Variants in EDN1 observed in about 807,000 individuals in gnomAD.
EDN1 encodes the protein endothelin-1.
In EDN1, 11 loss-of-function variants were observed where a neutral mutation model predicts 21.7. The observed-to-expected ratio is 0.51, with a 90% confidence interval of 0.32 to 0.84. The LOEUF (loss-of-function observed/expected upper bound fraction) is 0.84. EDN1 is among the 40% of genes least tolerant of loss of function. The pLI is 0.03. For missense variants in EDN1, 244 were observed against 262.3 expected (o/e 0.93, Z 0.48); for synonymous variants, 85 against 90.6 (o/e 0.94, Z 0.35).
chr6:12,276,235 A>G, the EDN1 span, among the ~76,000 whole-genome samples: 2 of 149,858 alleles, frequency 1.3e-5, no homozygotes, highest in South Asian at 4.3e-4. Flanking sequence ...AGATGTTGGT[A>G]GTTTCAGGGA....
At chr6:12,278,595 G>T in the EDN1 span, among the ~76,000 whole-genome samples, 4,849 of 152,148 alleles carry the variant, frequency 0.032, 86 homozygotes, top group Middle Eastern at 0.058. Flanking sequence ...AAAATCTCTT[G>T]CAAAAGCCAG....
At chr6:12,243,615 G>A in the EDN1 span, among the ~76,000 whole-genome samples, 1 of 152,092 alleles carries the variant, frequency 6.6e-6, no homozygotes, top group Non-Finnish European at 1.5e-5. Flanking sequence ...ATACATGAAT[G>A]CTGAATTAAT....
intron 2 of EDN1, 72 bp downstream of exon 2, chr6:12,292,581 TTTC>T (rs1281831036): frequency 6.3e-7 from 1 of 1,580,714 alleles, no homozygotes; most frequent in Non-Finnish European, 8.7e-7. Flanking sequence ...AGTTTTAGAG[TTTC>T]TTTTCTAGGG....
At chr6:12,232,972 G>C in the EDN1 span, among the ~76,000 whole-genome samples, 1 of 152,138 alleles carries the variant, frequency 6.6e-6, no homozygotes, top group East Asian at 1.9e-4. Flanking sequence ...TTGGTGAAGG[G>C]ATGTCTACAC....
the EDN1 span, among the ~76,000 whole-genome samples, chr6:12,253,188 T>C: frequency 6.6e-6 from 1 of 151,948 alleles, no homozygotes; most frequent in Non-Finnish European, 1.5e-5. Flanking sequence ...AGAAACAGAC[T>C]CCCAATGAGC....
At chr6:12,287,724 A>C (rs1373277421), upstream of EDN1, among the ~76,000 whole-genome samples, 1 of 144,316 alleles carries the variant, frequency 6.9e-6, no homozygotes, top group African/African-American at 2.6e-5. Flanking sequence ...ACACACACAC[A>C]CACACACACA....
chr6:12,293,158 T>C (rs1762727774), intron 2 of EDN1, among the ~76,000 whole-genome samples: 1 of 152,182 alleles, frequency 6.6e-6, no homozygotes, highest in African/African-American at 2.4e-5. Context: ...CACTAGTTCA[T>C]CATCTGTCGG....
chr6:12,265,816 G>C, the EDN1 span, among the ~76,000 whole-genome samples: 1 of 152,218 alleles, frequency 6.6e-6, no homozygotes, highest in Non-Finnish European at 1.5e-5. Flanking sequence ...TTTAGGGAGA[G>C]AGGAGAAAAT....
At chr6:12,270,564 C>T in the EDN1 span, among the ~76,000 whole-genome samples, 1 of 151,702 alleles carries the variant, frequency 6.6e-6, no homozygotes, top group Non-Finnish European at 1.5e-5. Flanking sequence ...TGTTTAATTT[C>T]TATATATTTG....
At chr6:12,235,266 C>T in the EDN1 span, among the ~76,000 whole-genome samples, 1,523 of 152,294 alleles carry the variant, frequency 0.01, 13 homozygotes, top group Non-Finnish European at 0.016. Context: ...CAGCTTTCTC[C>T]GTTTCCTTAG....
At chr6:12,273,488 C>T in the EDN1 span, among the ~76,000 whole-genome samples, 1 of 150,884 alleles carries the variant, frequency 6.6e-6, no homozygotes, top group Non-Finnish European at 1.5e-5. Flanking sequence ...TACATATATT[C>T]AAGAGCTATA....
At position 12,294,044 on chromosome 6, in the gene EDN1, A is replaced by G. The variant is rs1385040497; in HGVS notation, c.337A>G (p.Ser113Gly). The change falls in exon 3 of 5, where the codon AGC (serine) becomes GGC (glycine). Residue 113 changes from serine (S) to glycine (G), a missense_variant. Ser to Gly is a moderately conservative substitution (Grantham distance 56). Transcript: ENST00000379375. ...TDRENRCQCA[S>G]QKDKKCWNFC... ...CCGTGAAAATAGATGCCAATGTGCT[A>G]GCCAAAAAGACAAGAAGTGCTGGAA... 11 of 1,614,140 alleles carry G rather than the reference A, an allele frequency of 6.8e-6. No homozygotes were observed. Among genetic ancestry groups the G allele is most frequent in the Non-Finnish European group, 8.5e-6 (10 of 1,180,064 alleles).
the EDN1 span, among the ~76,000 whole-genome samples, chr6:12,247,061 A>T: frequency 8.7e-4 from 132 of 152,332 alleles, 1 homozygote; most frequent in African/African-American, 3.0e-3. Flanking sequence ...CACTACACAC[A>T]TGTTTTTATG....
At chr6:12,234,674 C>T in the EDN1 span, among the ~76,000 whole-genome samples, 3 of 152,178 alleles carry the variant, frequency 2.0e-5, no homozygotes. Flanking sequence ...GGCATTTTGG[C>T]TCTTGGCTGC....
At chr6:12,267,005 C>A in the EDN1 span, among the ~76,000 whole-genome samples, 6 of 152,134 alleles carry the variant, frequency 3.9e-5, no homozygotes, top group South Asian at 1.2e-3. Flanking sequence ...TAGGACAACA[C>A]CAAATCCAGC....
At chr6:12,252,002 G>A in the EDN1 span, among the ~76,000 whole-genome samples, 1 of 152,126 alleles carries the variant, frequency 6.6e-6, no homozygotes, top group Non-Finnish European at 1.5e-5. Context: ...CAAAAACTTG[G>A]TGTTATATTA....
In EDN1 at chr6:12,295,212, G is replaced by A. The variant is rs77919695; in HGVS notation, c.534-750G>A. On this transcript the variant is annotated intron_variant, in intron 4 of 4. Transcript: ENST00000379375. ...TCTCTTAGAAATCCAGTGGCAAGAA[G>A]TTCTATGATTAAAGTGTTCTGAGCT... Among the ~76,000 whole-genome samples, 8 of 152,252 alleles carry A rather than the reference G, an allele frequency of 5.3e-5. No individual in the cohort carries two copies. The East Asian group carries it at 1.4e-3, about 26-fold the overall frequency.
At chr6:12,271,953 T>G in the EDN1 span, among the ~76,000 whole-genome samples, 2 of 152,230 alleles carry the variant, frequency 1.3e-5, no homozygotes, top group Admixed American at 6.5e-5. Context: ...TTCTTGTGTA[T>G]GTGACTTGAT....
chr6:12,258,333 C>T, the EDN1 span, among the ~76,000 whole-genome samples: 1,739 of 149,808 alleles, frequency 0.012, 15 homozygotes, highest in South Asian at 0.045. Flanking sequence ...CCTATAATCC[C>T]AGCTACTCAG....
Sources: gnomAD v4.1 joint callset for allele counts (sites outside exome capture counted in the v4.1 genomes callset) on GRCh38, gnomAD v4.1.1 for gene constraint, MANE v1.5 for transcripts, NCBI Gene and HGNC (gene_info 2026-07-23, HGNC 2026-07-21) for gene names.